FRMPD4: variants seen among roughly 807,000 people sequenced by gnomAD.
The protein encoded by FRMPD4 is FERM and PDZ domain-containing protein 4.
A neutral mutation model predicts 94.1 loss-of-function variants in FRMPD4; 22 were observed. The ratio of observed to expected loss-of-function variants is 0.23; its 90% CI spans 0.17 to 0.33. FRMPD4 has a LOEUF of 0.33. Among genes scored for constraint, FRMPD4 ranks in the 10% least tolerant of loss-of-function variants. FRMPD4 has a pLI of 1.00. For missense variants in FRMPD4, 1,111 were observed against 1,339.9 expected (o/e 0.83, Z 2.67); for synonymous variants, 631 against 548.6 (o/e 1.15, Z -2.10).
At chrX:12,238,944 G>A (rs1039649099) in intron 1 of FRMPD4, among the ~76,000 whole-genome samples, 2 of 112,047 alleles carry the variant, frequency 1.8e-5, no homozygotes. Flanking sequence ...GAATAATCAT[G>A]CTTTAGAAAC....
intron 1 of FRMPD4, among the ~76,000 whole-genome samples, chrX:12,336,815 T>C (rs2055532379): frequency 8.9e-6 from 1 of 112,252 alleles, no homozygotes; most frequent in South Asian, 3.7e-4. Flanking sequence ...TCTGTTTAGC[T>C]GCAAGGATAG....
At chrX:12,185,949 G>A (rs1979068432) in intron 1 of FRMPD4, among the ~76,000 whole-genome samples, 1 of 111,573 alleles carries the variant, frequency 9.0e-6, no homozygotes, top group African/African-American at 3.2e-5. Context: ...TGTAGATGAT[G>A]TTTTTGGCTG....
chrX:11,893,879 C>A (rs1330276859), intron 3 of FRMPD4, among the ~76,000 whole-genome samples: 1 of 111,941 alleles, frequency 8.9e-6, no homozygotes, highest in African/African-American at 3.2e-5. Context: ...GTAGCACACA[C>A]ATCTTGCCCC....
At chrX:11,987,585 G>A (rs1009645511) in intron 3 of FRMPD4, among the ~76,000 whole-genome samples, 14 of 110,487 alleles carry the variant, frequency 1.3e-4, no homozygotes, top group African/African-American at 4.6e-4. Flanking sequence ...ATAAGGCCAG[G>A]GAAAGAAATA....
rs1181773956 is a variant in FRMPD4 at position 12,716,177 on chromosome X, T to C, written c.1718T>C (p.Ile573Thr). 1 of 1,206,698 alleles carries C rather than the reference T, an allele frequency of 8.3e-7. No individual in the cohort carries two copies. The highest frequency in any genetic ancestry group is 1.1e-6 in the Non-Finnish European group (1 of 891,337). The change falls in exon 15 of 17, where the codon ATA becomes ACA. Residue 573 changes from isoleucine to threonine, a missense_variant. By Grantham distance (89) the Ile-to-Thr change is moderately conservative. Coordinates refer to ENST00000675598, the MANE Select transcript of FRMPD4 (RefSeq NM_001368397.1). Reference sequence around the variant, plus strand: ...GAACAAGAAGCCCAGATAACATACATAGATTCAAAGCAGAAGACGGTGGAG... The same window carrying C: ...GAACAAGAAGCCCAGATAACATACACAGATTCAAAGCAGAAGACGGTGGAG... Reference protein sequence around the residue: ...EGEQEAQITYIDSKQKTVEIT... With the variant: ...EGEQEAQITYTDSKQKTVEIT...
intron 1 of FRMPD4, among the ~76,000 whole-genome samples, chrX:12,461,502 A>G (rs987490035): frequency 7.1e-5 from 8 of 112,013 alleles, no homozygotes; most frequent in Non-Finnish European, 1.5e-4. Flanking sequence ...GTGGAAGTAC[A>G]TGACGCCATC....
chrX:12,488,309 A>G (rs2148206883), intron 1 of FRMPD4, among the ~76,000 whole-genome samples: 1 of 112,285 alleles, frequency 8.9e-6, no homozygotes, highest in East Asian at 2.8e-4. Context: ...ACATTATTAG[A>G]TATCATACCA....
At chrX:12,662,548 T>C (rs1341744951) in intron 4 of FRMPD4, among the ~76,000 whole-genome samples, 6 of 112,487 alleles carry the variant, frequency 5.3e-5, no homozygotes, top group Non-Finnish European at 1.1e-4. Flanking sequence ...TTTTTATGGC[T>C]GCATAGTATT....
chrX:12,570,849 A>C (rs776164624), intron 2 of FRMPD4, among the ~76,000 whole-genome samples: 1 of 110,865 alleles, frequency 9.0e-6, no homozygotes, highest in Non-Finnish European at 1.9e-5. Flanking sequence ...TCTCCAGAGC[A>C]CGGTAGAGCA....
intron 3 of FRMPD4, among the ~76,000 whole-genome samples, chrX:11,955,926 A>G (rs1319722476): frequency 3.6e-5 from 4 of 111,582 alleles, no homozygotes; most frequent in Non-Finnish European, 7.5e-5. Context: ...TCTTTTCACT[A>G]CACTTCAGGA....
intron 1 of FRMPD4, among the ~76,000 whole-genome samples, chrX:12,265,976 A>C (rs749735749): frequency 1.9e-5 from 2 of 107,675 alleles, no homozygotes; most frequent in South Asian, 8.5e-4. Context: ...AAAAAAATAC[A>C]AAAAAAATTA....
intron 3 of FRMPD4, among the ~76,000 whole-genome samples, chrX:12,087,557 G>A (rs1158904956): frequency 9.0e-6 from 1 of 111,527 alleles, no homozygotes; most frequent in Non-Finnish European, 1.9e-5. Context: ...CCTCTTTCTG[G>A]CACCAGTATG....
intron 1 of FRMPD4, among the ~76,000 whole-genome samples, chrX:12,186,659 G>A (rs73190577): frequency 0.19 from 21,160 of 111,229 alleles, 2,781 homozygotes; most frequent in African/African-American, 0.48. Flanking sequence ...GCTTGACGAT[G>A]AATACAGAAT....
chrX:12,207,463 T>A (rs560524790), intron 1 of FRMPD4, among the ~76,000 whole-genome samples: 1 of 110,939 alleles, frequency 9.0e-6, no homozygotes, highest in Non-Finnish European at 1.9e-5. Context: ...ACTATTGGAC[T>A]ATTTTGCTGA....
intron 4 of FRMPD4, among the ~76,000 whole-genome samples, chrX:12,635,119 C>G (rs1419229836): frequency 2.7e-5 from 3 of 112,014 alleles, no homozygotes; most frequent in Non-Finnish European, 5.6e-5. Flanking sequence ...CAGGCGTGAG[C>G]CACCGCACCT....
At chrX:12,662,061 G>A (rs2059719688) in intron 4 of FRMPD4, among the ~76,000 whole-genome samples, 3 of 111,849 alleles carry the variant, frequency 2.7e-5, no homozygotes, top group Non-Finnish European at 5.6e-5. Flanking sequence ...TTGGGGAAAC[G>A]CCCTTCTGAG....
At chrX:12,364,351 A>T (rs1408328757) in intron 1 of FRMPD4, among the ~76,000 whole-genome samples, 3 of 111,289 alleles carry the variant, frequency 2.7e-5, no homozygotes, top group African/African-American at 9.8e-5. Context: ...TGTGTACAAG[A>T]GTCTTTACTT....
At chrX:12,331,116 G>A (rs1158473231) in intron 1 of FRMPD4, among the ~76,000 whole-genome samples, 5 of 111,016 alleles carry the variant, frequency 4.5e-5, no homozygotes, top group Admixed American at 9.6e-5. Flanking sequence ...TTAGAAAGTG[G>A]GGGCAGCTGG....
chrX:12,398,971 T>G (rs5935324), intron 1 of FRMPD4, among the ~76,000 whole-genome samples: 23,659 of 110,326 alleles, frequency 0.21, 2,070 homozygotes, highest in Non-Finnish European at 0.27. Context: ...TTTTTTTAAA[T>G]TCATGTTTCC....
Sources: gnomAD v4.1 joint callset for allele counts (sites outside exome capture counted in the v4.1 genomes callset) on GRCh38, gnomAD v4.1.1 for gene constraint, MANE v1.5 for transcripts, NCBI Gene and HGNC (gene_info 2026-07-23, HGNC 2026-07-21) for gene names.